RHPN2: variants seen among roughly 807,000 people sequenced by gnomAD.
The protein encoded by RHPN2 is rhophilin Rho GTPase binding protein 2.
RHPN2 carries 40 observed loss-of-function variants against 79.0 expected under a neutral mutation model. The ratio of observed to expected loss-of-function variants is 0.51; its 90% CI spans 0.39 to 0.66. The LOEUF is 0.66. Ranked by LOEUF, RHPN2 falls within the 30% of genes least tolerant of loss-of-function variation. The pLI is 0.00. For missense variants in RHPN2, 686 were observed against 883.5 expected, an observed-to-expected ratio of 0.78 and a Z score of 2.83; for synonymous variants, 285 against 363.5, an observed-to-expected ratio of 0.78 and a Z score of 2.46.
chr19:32,990,537 G>A lies in RHPN2; in HGVS notation c.1777C>T (p.Leu593Phe). Residue 593 changes from leucine (L) to phenylalanine (F), a missense_variant, in exon 14 of 15, where the codon CTC becomes TTC. Physicochemically the swap from Leu to Phe is conservative, Grantham distance 22. Transcript: ENST00000254260. The stretch of plus-strand genomic sequence containing the variant: ...ACCATGGATGATGTGGAGTCCAGGA[G>A]GCTCACGACTTTCATCTCGATCTCG... ...EDEIEMKVVS[L>F]LDSTSSMHNK... is the part of the protein sequence containing the mutation. 6.2e-7 allele frequency: 1 copy of A among 1,613,828 alleles called. No homozygotes were observed. Among genetic ancestry groups the A allele is most frequent in the Non-Finnish European group, 8.5e-7 (1 of 1,179,838 alleles).
chr19:33,061,591 C>T (rs960232456), intron 1 of RHPN2, among the ~76,000 whole-genome samples: 13 of 151,660 alleles, frequency 8.6e-5, no homozygotes, highest in African/African-American at 3.1e-4. Flanking sequence ...TCAAGCGAGT[C>T]TCCTGCCTCA....
intron 3 of RHPN2, among the ~76,000 whole-genome samples, chr19:33,023,067 A>C (rs750998311): frequency 3.3e-5 from 5 of 152,208 alleles, no homozygotes; most frequent in Non-Finnish European, 7.4e-5. Flanking sequence ...CCATGAGGTT[A>C]TTTCTTTCCC....
At chr19:32,983,586 T>G (rs1014335547) in intron 14 of RHPN2, among the ~76,000 whole-genome samples, 11 of 143,250 alleles carry the variant, frequency 7.7e-5, no homozygotes, top group Non-Finnish European at 1.5e-4. Flanking sequence ...CCACACACAC[T>G]CTCTCACTCC....
At chr19:32,984,350 T>A (rs554253642) in intron 14 of RHPN2, among the ~76,000 whole-genome samples, 31 of 152,266 alleles carry the variant, frequency 2.0e-4, no homozygotes, top group African/African-American at 6.7e-4. Flanking sequence ...AAATAATTTT[T>A]AAAAAATTAT....
intron 2 of RHPN2, among the ~76,000 whole-genome samples, chr19:33,035,046 C>T (rs944543809): frequency 6.6e-6 from 1 of 152,078 alleles, no homozygotes; most frequent in Admixed American, 6.5e-5. Flanking sequence ...TGGCTCACTG[C>T]AACCTCCACC....
At chr19:33,015,893 A>G (rs1381794177) in intron 4 of RHPN2, among the ~76,000 whole-genome samples, 3 of 151,818 alleles carry the variant, frequency 2.0e-5, no homozygotes, top group African/African-American at 7.3e-5. Context: ...TACTAAAAAT[A>G]CAAAAAATTA....
chr19:32,982,913 C>T (rs1244987042), intron 14 of RHPN2, among the ~76,000 whole-genome samples: 2 of 152,030 alleles, frequency 1.3e-5, no homozygotes, highest in South Asian at 2.1e-4. Context: ...TTCTTATCTT[C>T]GCTCTCCTCC....
At chr19:32,998,753 G>A (rs1313000778) in intron 10 of RHPN2, among the ~76,000 whole-genome samples, 1 of 146,896 alleles carries the variant, frequency 6.8e-6, no homozygotes, top group Admixed American at 6.9e-5. Flanking sequence ...GGAGAGGAAA[G>A]GGAGAGAAAA....
Position 33,064,771 on chromosome 19 carries a change from C to G in RHPN2, c.69+13G>C. ...GCCCGCAGGTCCCCGCCCGCCCGCC[C>G]GAAGCCGCCCACCTTCCGAAAGTAG... On this transcript the variant is annotated intron_variant, in intron 1 of 14. Coordinates refer to ENST00000254260, the MANE Select transcript of RHPN2 (RefSeq NM_033103.5). 1 of 1,485,022 alleles carries G rather than the reference C, an allele frequency of 6.7e-7. No homozygotes were observed. 92.0% of individuals were successfully genotyped at this position (1,485,022 alleles called of 1,614,324 possible).
intron 11 of RHPN2, among the ~76,000 whole-genome samples, chr19:32,994,795 C>T (rs965699893): frequency 6.6e-6 from 1 of 151,948 alleles, no homozygotes; most frequent in Non-Finnish European, 1.5e-5. Context: ...AACCCCATCT[C>T]TACTAAAAAT....
intron 1 of RHPN2, among the ~76,000 whole-genome samples, chr19:33,062,182 A>G (rs982007045): frequency 1.3e-5 from 2 of 152,130 alleles, no homozygotes; most frequent in Non-Finnish European, 2.9e-5. Context: ...CTCTCATCCA[A>G]CACCAGAGAA....
At chr19:33,036,578 G>T (rs1030269275) in intron 2 of RHPN2, among the ~76,000 whole-genome samples, 2 of 152,174 alleles carry the variant, frequency 1.3e-5, no homozygotes, top group African/African-American at 4.8e-5. Flanking sequence ...CACTGTGGGA[G>T]CCCCTTTCTG....
chr19:32,980,352 A>T (rs1241687329), intron 14 of RHPN2, 96 bp from the exon 15 acceptor site: 2 of 1,424,128 alleles, frequency 1.4e-6, no homozygotes, highest in Non-Finnish European at 2.0e-6. Context: ...TCACACCTGT[A>T]ATCCCAACAG....
chr19:32,983,607 A>G (rs1971594188), intron 14 of RHPN2, among the ~76,000 whole-genome samples: 1 of 148,594 alleles, frequency 6.7e-6, no homozygotes, highest in Non-Finnish European at 1.5e-5. Context: ...TGCAATGTGT[A>G]CCACTACTTT....
At chr19:33,025,181 T>C (rs1971955687) in intron 3 of RHPN2, among the ~76,000 whole-genome samples, 1 of 151,978 alleles carries the variant, frequency 6.6e-6, no homozygotes, top group Admixed American at 6.6e-5. Flanking sequence ...GCCTTCAAAA[T>C]TGACCTAGGG....
intron 4 of RHPN2, among the ~76,000 whole-genome samples, chr19:33,021,079 A>G (rs896188451): frequency 5.3e-5 from 8 of 152,198 alleles, no homozygotes; most frequent in Non-Finnish European, 1.0e-4. Flanking sequence ...TTAATAAAAG[A>G]GGATATAAGT....
chr19:33,015,992 G>C (rs1250655092), intron 4 of RHPN2, among the ~76,000 whole-genome samples: 2 of 152,124 alleles, frequency 1.3e-5, no homozygotes, highest in Non-Finnish European at 2.9e-5. Flanking sequence ...AGAGGTTGCA[G>C]TGAGCCAAGA....
At chr19:33,044,398 C>G in intron 1 of RHPN2, 34 bp from the exon 2 acceptor site, 1 of 1,406,736 alleles carries the variant, frequency 7.1e-7, no homozygotes, top group South Asian at 1.2e-5. Flanking sequence ...CTTCAGAGGT[C>G]GGCCACTCTA....
intron 4 of RHPN2, among the ~76,000 whole-genome samples, chr19:33,013,189 AAAAAAACAAAAAC>A (rs1243379891): frequency 1.3e-5 from 1 of 78,090 alleles, no homozygotes; most frequent in Non-Finnish European, 2.4e-5. Flanking sequence ...GTTTTTTTTT[AAAAAAACAAAAAC>A]AAAAAACAAA....
Sources: gnomAD v4.1 joint callset for allele counts (sites outside exome capture counted in the v4.1 genomes callset) on GRCh38, gnomAD v4.1.1 for gene constraint, MANE v1.5 for transcripts, NCBI Gene and HGNC (gene_info 2026-07-23, HGNC 2026-07-21) for gene names.